The following GNB4 variants were observed in gnomAD, a reference collection of about 807,000 sequenced individuals.
GNB4 encodes the protein G protein subunit beta 4.
In GNB4, 28 loss-of-function variants were observed where a neutral mutation model predicts 45.2. The observed-to-expected ratio is 0.62, with a 90% CI of 0.46 to 0.85. GNB4 has a LOEUF of 0.85. Ranked by LOEUF, GNB4 falls within the 40% of genes least tolerant of loss-of-function variation. The pLI, the probability that GNB4 is intolerant of heterozygous loss-of-function variation, is 0.00. For missense variants in GNB4, 321 were observed against 425.4 expected (o/e 0.75, Z 2.16); for synonymous variants, 132 against 143.7 (o/e 0.92, Z 0.58).
At chr3:179,420,984 G>A in intron 2 of GNB4, 57 bp from the exon 3 acceptor site, 1 of 958,574 alleles carries the variant, frequency 1.0e-6, no homozygotes, top group Non-Finnish European at 1.6e-6. Flanking sequence ...TGACTAAAGT[G>A]ATACTTTTAT....
rs141824852 is a variant in GNB4 at position 179,406,247 on chromosome 3, G to A, written c.700-841C>T. On this transcript the variant is annotated intron_variant, in intron 8 of 9. Coordinates refer to ENST00000232564, the MANE Select transcript of GNB4 (RefSeq NM_021629.4). ...TCCTGGGTCATTTTGTTTTAGGTGT[G>A]TTTCTTGCATACAACATTATAGTTC... Among the ~76,000 whole-genome samples the A allele has an allele frequency of 8.1e-4, 123 of 152,190 alleles. 1 individual carries two copies. The East Asian group carries it at 0.017, about 22-fold the overall frequency.
chr3:179,412,266 A>G (rs1714673278), intron 8 of GNB4, among the ~76,000 whole-genome samples: 2 of 152,088 alleles, frequency 1.3e-5, no homozygotes, highest in South Asian at 4.1e-4. Flanking sequence ...CAGGAGTTCA[A>G]GAGCAGCCTG....
At chr3:179,458,889 A>G in the GNB4 span, among the ~76,000 whole-genome samples, 1 of 152,244 alleles carries the variant, frequency 6.6e-6, no homozygotes, top group African/African-American at 2.4e-5. Flanking sequence ...TGCAGAATTG[A>G]GAATTTTTTA....
At chr3:179,491,932 T>G in the GNB4 span, among the ~76,000 whole-genome samples, 4 of 152,228 alleles carry the variant, frequency 2.6e-5, no homozygotes, top group African/African-American at 9.6e-5. Context: ...TTTCCATACC[T>G]GTCTGCCCCA....
chr3:179,399,922 G>A lies in GNB4; in HGVS notation c.*1291C>T, dbSNP rs1456157020. 1.2e-4 allele frequency: 19 copies of A among 152,204 alleles called. No homozygotes were observed. Among genetic ancestry groups the A allele is most frequent in the Admixed American group, 9.8e-4 (15 of 15,282 alleles). 9.4% of individuals were successfully genotyped at this position (152,204 alleles called of 1,614,324 possible). ...AAGTATCTTTAACTTGGTCGTGGGG[G>A]ACTTCTAGTAAGAGACACATTATTA... On this transcript the variant is annotated 3_prime_UTR_variant, in exon 10 of 10. Transcript: ENST00000232564.
the GNB4 span, among the ~76,000 whole-genome samples, chr3:179,477,519 A>C: frequency 6.6e-6 from 1 of 152,142 alleles, no homozygotes; most frequent in Admixed American, 6.5e-5. Flanking sequence ...TTTTCACATG[A>C]GACCTTATCA....
At position 179,414,908 on chromosome 3, in the gene GNB4, C is replaced by T; in HGVS notation, c.407G>A (p.Ser136Asn). ...ACCTGTGTGACCTGGCAACTCTCGG[C>T]TTACTCTCACATTTCCCTCTCTGGT... Reference protein sequence around the residue: ...LKTREGNVRVSRELPGHTGYL... With the variant: ...LKTREGNVRVNRELPGHTGYL... The change falls in exon 6 of 10, where the codon AGC becomes AAC. Residue 136 changes from serine (S) to asparagine (N), a missense_variant. Ser to Asn is a conservative substitution (Grantham distance 46). Coordinates refer to ENST00000232564, the MANE Select transcript of GNB4 (RefSeq NM_021629.4). 6.3e-7 allele frequency: 1 copy of T among 1,597,152 alleles called. No individual in the cohort carries two copies. The highest frequency in any genetic ancestry group is 8.6e-7 in the Non-Finnish European group (1 of 1,167,892).
At chr3:179,440,689 A>G (rs1244164434) in intron 1 of GNB4, among the ~76,000 whole-genome samples, 1 of 152,188 alleles carries the variant, frequency 6.6e-6, no homozygotes, top group Non-Finnish European at 1.5e-5. Context: ...TGAACAGGAT[A>G]TGTCATCAAT....
At chr3:179,494,113 G>A in the GNB4 span, among the ~76,000 whole-genome samples, 1 of 152,134 alleles carries the variant, frequency 6.6e-6, no homozygotes, top group Non-Finnish European at 1.5e-5. Flanking sequence ...GACCCACCTA[G>A]CTCATAACCA....
rs576983595 is a variant in GNB4, at chr3:179,413,132, T to G, written c.699+280A>C. Among the ~76,000 whole-genome samples the G allele has an allele frequency of 2.2e-3, 337 of 151,988 alleles. 1 individual carries two copies. Among genetic ancestry groups the G allele is most frequent in the Middle Eastern group, 3.4e-3 (1 of 292 alleles). On this transcript the variant is annotated intron_variant, in intron 8 of 9. Transcript: ENST00000232564. ...GGTCGAGGCTGCAGTGAGCCGTGACTGCACCGCTGCACTCCAGCCTGGACG... is the reference window on the plus strand; with the variant it reads ...GGTCGAGGCTGCAGTGAGCCGTGACGGCACCGCTGCACTCCAGCCTGGACG...
chr3:179,513,627 C>T, the GNB4 span, among the ~76,000 whole-genome samples: 5 of 152,140 alleles, frequency 3.3e-5, no homozygotes, highest in African/African-American at 1.2e-4. Context: ...ACCTGCAAAG[C>T]CCTCCTTTTT....
intron 8 of GNB4, chr3:179,410,251 A>G (rs1714613329): frequency 6.6e-6 from 1 of 152,242 alleles, no homozygotes; most frequent in Admixed American, 6.5e-5. Context: ...TAGAAAAGAA[A>G]TAATAAAGAT....
At chr3:179,498,267 T>A in the GNB4 span, among the ~76,000 whole-genome samples, 3 of 152,158 alleles carry the variant, frequency 2.0e-5, no homozygotes, top group African/African-American at 7.2e-5. Flanking sequence ...GGGTACAAGA[T>A]GTATCAGACA....
rs530883443 is a variant in GNB4, at chr3:179,424,749, C to A, written c.57+1395G>T. Among the ~76,000 whole-genome samples, 477 of 152,242 alleles carry A rather than the reference C, an allele frequency of 3.1e-3. 2 individuals are homozygous for A. The highest frequency in any genetic ancestry group is 0.01 in the Middle Eastern group (3 of 294). ...CCTCCCGAGTAGCTGGGACTACAGG[C>A]ACAAGCCACCACACCCGGCTAACGT... On this transcript the variant is annotated intron_variant, in intron 2 of 9. Coordinates refer to ENST00000232564, the MANE Select transcript of GNB4 (RefSeq NM_021629.4).
chr3:179,471,904 T>A, the GNB4 span, among the ~76,000 whole-genome samples: 47 of 152,324 alleles, frequency 3.1e-4, no homozygotes, highest in African/African-American at 1.1e-3. Flanking sequence ...ACTAAGAGCA[T>A]TAAAACTCTT....
At chr3:179,430,655 C>G (rs1715284639) in intron 1 of GNB4, among the ~76,000 whole-genome samples, 1 of 145,814 alleles carries the variant, frequency 6.9e-6, no homozygotes, top group Non-Finnish European at 1.5e-5. Context: ...TAGTGTCTTG[C>G]TATGTTGCCC....
chr3:179,456,917 T>G, the GNB4 span, among the ~76,000 whole-genome samples: 2 of 152,318 alleles, frequency 1.3e-5, no homozygotes, highest in East Asian at 3.9e-4. Context: ...CCACAGTTGG[T>G]TTATCCATTT....
intron 1 of GNB4, among the ~76,000 whole-genome samples, chr3:179,430,013 T>C (rs1459757622): frequency 1.3e-5 from 2 of 152,062 alleles, no homozygotes; most frequent in Non-Finnish European, 2.9e-5. Flanking sequence ...TACAAAGCTA[T>C]ACATACATAA....
the GNB4 span, among the ~76,000 whole-genome samples, chr3:179,486,843 C>T: frequency 1.2e-4 from 18 of 152,326 alleles, no homozygotes; most frequent in African/African-American, 4.1e-4. Context: ...TCAATAATTA[C>T]AAAGTTGTCT....
Sources: allele counts gnomAD v4.1 joint callset (sites outside exome capture counted in the v4.1 genomes callset), GRCh38; gene constraint gnomAD v4.1.1; transcripts MANE v1.5; gene names NCBI Gene and HGNC (gene_info 2026-07-23, HGNC 2026-07-21).